Variants in SYT12 observed in about 807,000 individuals in gnomAD.
SYT12 encodes the protein synaptotagmin-12.
SYT12 carries 27 observed loss-of-function variants against 39.5 expected under a neutral mutation model. The ratio of observed to expected loss-of-function variants is 0.68; its 90% confidence interval spans 0.50 to 0.94. SYT12 has a LOEUF of 0.94. SYT12 is among the 40% of genes least tolerant of loss of function. The pLI, the probability that SYT12 is intolerant of heterozygous loss-of-function variation, is 0.00. For synonymous variants in SYT12, 233 were observed against 239.7 expected, an observed-to-expected ratio of 0.97 and a Z score of 0.26; for missense variants, 536 against 572.6, an observed-to-expected ratio of 0.94 and a Z score of 0.65.
chr11:67,033,620 C>G (rs1038153444), intron 2 of SYT12, among the ~76,000 whole-genome samples: 2 of 152,232 alleles, frequency 1.3e-5, no homozygotes, highest in Non-Finnish European at 2.9e-5. Context: ...ACCACCCCTT[C>G]TGGGCTCTGT....
At chr11:67,044,835 A>G in intron 6 of SYT12, 122 bp downstream of exon 6, 4 of 1,414,534 alleles carry the variant, frequency 2.8e-6, no homozygotes, top group Non-Finnish European at 2.9e-6. Context: ...GGTCCCCCTC[A>G]GCTTTGCTGA....
chr11:67,041,595 G>T (rs888765073), intron 4 of SYT12, among the ~76,000 whole-genome samples: 39 of 152,256 alleles, frequency 2.6e-4, no homozygotes, highest in African/African-American at 9.4e-4. Context: ...AACAGGAGGG[G>T]CTGTCCCACT....
intron 3 of SYT12, among the ~76,000 whole-genome samples, chr11:67,015,008 C>G (rs538621307): frequency 2.0e-5 from 3 of 152,336 alleles, no homozygotes; most frequent in Admixed American, 2.0e-4. Context: ...AAGACAGCTG[C>G]TTTCTTTGTC....
chr11:67,040,056 G>A lies in SYT12; in HGVS notation c.474G>A (p.Val158=), dbSNP rs757332382. ...GQDFTLGQVE[V]SMEYDTASHT... ...ACTTCACACTGGGCCAGGTGGAGGT[G>A]AGCATGGAGTACGACACTGCCTCCC... Residue 158 remains valine, a synonymous_variant, in exon 4 of 8, where the codon GTG becomes GTA. Coordinates refer to ENST00000527043, the MANE Select transcript of SYT12 (RefSeq NM_177963.4). The A allele has an allele frequency of 1.9e-6, 3 of 1,614,004 alleles. No homozygotes were observed. Among genetic ancestry groups the A allele is most frequent in the South Asian group, 2.2e-5 (2 of 91,090 alleles).
At chr11:67,043,259 G>A (rs1034403006) in intron 4 of SYT12, among the ~76,000 whole-genome samples, 9 of 152,284 alleles carry the variant, frequency 5.9e-5, no homozygotes, top group Middle Eastern at 3.4e-3. Flanking sequence ...TCAGTGGCTC[G>A]TGACTCCACA....
upstream of SYT12, among the ~76,000 whole-genome samples, chr11:67,022,497 C>G (rs1950120329): frequency 6.6e-6 from 1 of 152,258 alleles, no homozygotes; most frequent in Non-Finnish European, 1.5e-5. Flanking sequence ...GACCTGTCCC[C>G]TGTTCCCGGA....
chr11:67,014,223 T>TG (rs1307041039), intron 3 of SYT12, among the ~76,000 whole-genome samples: 2 of 152,218 alleles, frequency 1.3e-5, no homozygotes, highest in South Asian at 2.1e-4. Flanking sequence ...TGTATCTTTT[T>TG]GGGGGGTCAC....
In SYT12 at chr11:67,039,861, C is replaced by A; in HGVS notation, c.279C>A (p.Ser93Arg). ...GGGCCAGCACGCGGGGACCACCCAG[C>A]CGCAAAGGCAGTCTCAGCATTGAGG... Reference protein sequence around the residue: ...AQRASTRGPPSRKGSLSIEDT... With the variant: ...AQRASTRGPPRRKGSLSIEDT... The change falls in exon 4 of 8, where the codon AGC (serine) becomes AGA (arginine). Residue 93 changes from serine (S) to arginine (R), a missense_variant. By Grantham distance (110) the Ser-to-Arg change is moderately radical (BLOSUM62 -1). Coordinates refer to ENST00000527043, the MANE Select transcript of SYT12 (RefSeq NM_177963.4). The A allele has an allele frequency of 6.2e-7, 1 of 1,613,310 alleles. No individual in the cohort carries two copies. Among genetic ancestry groups the A allele is most frequent in the Non-Finnish European group, 8.5e-7 (1 of 1,180,012 alleles).
chr11:67,015,598 G>A (rs1024793576), intron 3 of SYT12, among the ~76,000 whole-genome samples: 3 of 152,192 alleles, frequency 2.0e-5, no homozygotes, highest in Non-Finnish European at 2.9e-5. Context: ...CACATGGCCA[G>A]GCCCAGGGAT....
chr11:67,030,914 C>T (rs868857103), intron 2 of SYT12: 7 of 152,348 alleles, frequency 4.6e-5, no homozygotes, highest in Admixed American at 2.0e-4. Flanking sequence ...TAGAGAGTAA[C>T]GGGGTCAGGA....
chr11:67,024,038 C>T (rs1950148349), intron 1 of SYT12, among the ~76,000 whole-genome samples: 2 of 149,756 alleles, frequency 1.3e-5, no homozygotes, highest in Non-Finnish European at 3.0e-5. Flanking sequence ...GGGGAGGAAG[C>T]TTGCCCAGAC....
chr11:67,048,548 C>T (rs755355335), intron 7 of SYT12, 36 bp from the exon 8 acceptor site: 3 of 1,581,484 alleles, frequency 1.9e-6, no homozygotes, highest in Admixed American at 1.7e-5. Context: ...CTCTGACTGC[C>T]CCTGGTCCTC....
intron 1 of SYT12, chr11:67,028,025 A>C (rs1256940726): frequency 6.6e-6 from 1 of 152,204 alleles, no homozygotes; most frequent in Admixed American, 6.5e-5. Flanking sequence ...TTTGGAAACC[A>C]TATGCCCACT....
At chr11:67,038,934 G>A (rs969858430) in intron 3 of SYT12, among the ~76,000 whole-genome samples, 2 of 151,378 alleles carry the variant, frequency 1.3e-5, no homozygotes, top group Admixed American at 6.6e-5. Flanking sequence ...TTGCAGTGAG[G>A]CAAGATCATG....
intron 6 of SYT12, 125 bp downstream of exon 6, chr11:67,044,838 T>A: frequency 7.1e-7 from 1 of 1,407,958 alleles, no homozygotes; most frequent in Non-Finnish European, 9.7e-7. Flanking sequence ...CCCCCTCAGC[T>A]TTGCTGAGCC....
intron 4 of SYT12, among the ~76,000 whole-genome samples, chr11:67,042,830 T>C (rs1950538695): frequency 6.6e-6 from 1 of 151,806 alleles, no homozygotes; most frequent in Non-Finnish European, 1.5e-5. Flanking sequence ...CGAGGAGCCT[T>C]CCCACACCCA....
At chr11:67,010,005 T>C (rs1183882595) in exon 2 of SYT12, 1 of 152,344 alleles carries the variant, frequency 6.6e-6, no homozygotes, top group Non-Finnish European at 1.5e-5. Flanking sequence ...AGTAAAAGCA[T>C]GGAGGCAAGA....
intron 3 of SYT12, among the ~76,000 whole-genome samples, chr11:67,016,379 G>T (rs1279433320): frequency 6.6e-6 from 1 of 152,138 alleles, no homozygotes; most frequent in Non-Finnish European, 1.5e-5. Context: ...TTGGAGCTGG[G>T]GCAGAGAGAA....
At chr11:67,030,215 T>C in intron 2 of SYT12, 37 bp downstream of exon 2, 1 of 1,612,734 alleles carries the variant, frequency 6.2e-7, no homozygotes, top group Non-Finnish European at 8.5e-7. Context: ...GGATCACGCC[T>C]GCGAGACCCT....
Sources: gnomAD v4.1 joint callset for allele counts (sites outside exome capture counted in the v4.1 genomes callset) on GRCh38, gnomAD v4.1.1 for gene constraint, MANE v1.5 for transcripts, NCBI Gene and HGNC (gene_info 2026-07-23, HGNC 2026-07-21) for gene names.